IL2RA: variants seen among roughly 807,000 people sequenced by gnomAD.
IL2RA encodes the protein interleukin 2 receptor subunit alpha.
Under a neutral mutation model 37.8 loss-of-function variants are expected in IL2RA, and 24 were observed. That is an observed-to-expected ratio of 0.63 (90% CI 0.46 to 0.89). IL2RA has a LOEUF of 0.89. Ranked by LOEUF, IL2RA falls within the 40% of genes least tolerant of loss-of-function variation. The pLI, the probability that IL2RA is intolerant of heterozygous loss-of-function variation, is 0.00. For missense variants in IL2RA, 319 were observed against 348.6 expected (o/e 0.92, Z 0.68); for synonymous variants, 125 against 114.6 (o/e 1.09, Z -0.58).
At chr10:6,030,098 A>G (rs1338876108) in intron 1 of IL2RA, among the ~76,000 whole-genome samples, 1 of 152,224 alleles carries the variant, frequency 6.6e-6, no homozygotes, top group African/African-American at 2.4e-5. Context: ...AAATTATCCA[A>G]ACTGATGAAC....
Position 6,035,588 on chromosome 10 carries a change from G to A in IL2RA, c.65-9563C>T, listed in dbSNP as rs12722664. 0.012 allele frequency among the ~76,000 whole-genome samples: 1,822 copies of A among 152,246 alleles called. 28 individuals are homozygous for A. The highest frequency in any genetic ancestry group is 0.041 in the African/African-American group (1,704 of 41,536). Reference sequence around the variant, plus strand: ...TTAAGGTGAGAAAAGAAAAGAAATCGGGGCTCCCAGGAGGAGAATCCTGAA... The same window carrying A: ...TTAAGGTGAGAAAAGAAAAGAAATCAGGGCTCCCAGGAGGAGAATCCTGAA... On this transcript the variant is annotated intron_variant, in intron 1 of 7. Transcript: ENST00000379959. This position sits in a 1 kb window ranked among gnomAD's most constrained non-coding sequence, Gnocchi z 5.4.
chr10:6,043,387 G>A (rs544655797), intron 1 of IL2RA, among the ~76,000 whole-genome samples: 12 of 152,284 alleles, frequency 7.9e-5, no homozygotes, highest in South Asian at 2.1e-4. Context: ...GGGTTGGACC[G>A]AGAGGGAGCT....
intron 7 of IL2RA, among the ~76,000 whole-genome samples, chr10:6,016,391 T>A (rs1230545174): frequency 2.0e-5 from 3 of 152,164 alleles, no homozygotes; most frequent in Non-Finnish European, 4.4e-5. Flanking sequence ...ATCTCTGTTC[T>A]TTATAAGTTA....
rs559441628 is a variant in IL2RA, at chr10:6,048,629, A to C, written c.64+13459T>G. ...AGAAGCTGAGGCCCACCGAGGTTAA[A>C]ACCCTACCCTCATGGACTTCCATGG... On this transcript the variant is annotated intron_variant, in intron 1 of 7. Transcript: ENST00000379959. The surrounding 1 kb of genome is among the most constrained non-coding windows in gnomAD (Gnocchi z 5.3). Among the ~76,000 whole-genome samples the C allele has an allele frequency of 2.0e-5, 3 of 152,308 alleles. No individual in the cohort carries two copies. Among genetic ancestry groups the C allele is most frequent in the East Asian group, 3.9e-4 (2 of 5,184 alleles).
Position 6,016,725 on chromosome 10 carries a change from A to G in IL2RA, c.794+1328T>C, listed in dbSNP as rs1396368474. Among the ~76,000 whole-genome samples the G allele has an allele frequency of 3.9e-5, 6 of 152,014 alleles. No individual in the cohort carries two copies. The East Asian group carries it at 1.2e-3, about 29-fold the overall frequency. ...GTAGCTGGGATTACAGGCACCCACC[A>G]CCACGCCTGGCTTATTTTTGTATTT... On this transcript the variant is annotated intron_variant, in intron 7 of 7. Transcript: ENST00000379959.
At chr10:6,032,413 C>A (rs1406610199) in intron 1 of IL2RA, among the ~76,000 whole-genome samples, 3 of 152,078 alleles carry the variant, frequency 2.0e-5, no homozygotes, top group African/African-American at 7.2e-5. Flanking sequence ...AAAAAGTAGG[C>A]AGGGTGTGGT....
In IL2RA at chr10:6,035,020, A is replaced by G. The variant is rs970278870; in HGVS notation, c.65-8995T>C. 1.3e-5 allele frequency among the ~76,000 whole-genome samples: 2 copies of G among 152,172 alleles called. No individual in the cohort carries two copies. The highest frequency in any genetic ancestry group is 2.4e-5 in the African/African-American group (1 of 41,450). ...ACTGTGGGAAAATTTGAGATGATCA[A>G]TTCGGGAGTTGGAGGTGGGGGTGTA... On this transcript the variant is annotated intron_variant, in intron 1 of 7. Transcript: ENST00000379959. This position sits in a 1 kb window ranked among gnomAD's most constrained non-coding sequence, Gnocchi z 5.4.
chr10:6,042,330 T>C (rs995241983), intron 1 of IL2RA, among the ~76,000 whole-genome samples: 1 of 151,752 alleles, frequency 6.6e-6, no homozygotes, highest in Non-Finnish European at 1.5e-5. Context: ...ATATCCATTA[T>C]TGATTAAAAG....
Position 6,041,116 on chromosome 10 carries a change from C to CTTT in IL2RA, c.65-15094_65-15092dup, listed in dbSNP as rs34852465. 1.1e-3 allele frequency among the ~76,000 whole-genome samples: 133 copies of CTTT among 126,466 alleles called. 2 individuals are homozygous for CTTT. The highest frequency in any genetic ancestry group is 3.5e-3 in the African/African-American group (120 of 34,262). 83.0% of individuals were successfully genotyped at this position (126,466 alleles called of 152,430 possible). ...TGAGAACTTAAAGGGTGAGTTAATTCTTTTTTTTTTTTTTTTTTTGAGACG... is the reference window on the plus strand; with the variant it reads ...TGAGAACTTAAAGGGTGAGTTAATTCTTTTTTTTTTTTTTTTTTTTTTGAGACG... On this transcript the variant is annotated intron_variant, in intron 1 of 7. Coordinates refer to ENST00000379959, the MANE Select transcript of IL2RA (RefSeq NM_000417.3).
intron 1 of IL2RA, among the ~76,000 whole-genome samples, chr10:6,055,377 C>T (rs1028606979): frequency 6.6e-6 from 1 of 152,036 alleles, no homozygotes; most frequent in Admixed American, 6.5e-5. Context: ...TTCTGTTCCC[C>T]AGAGAGTCCG....
chr10:6,038,253 G>C (rs1453277241), intron 1 of IL2RA, among the ~76,000 whole-genome samples: 1 of 152,234 alleles, frequency 6.6e-6, no homozygotes, highest in Non-Finnish European at 1.5e-5. Flanking sequence ...ATCTGTTGAA[G>C]GTTATCTCTT....
Position 6,036,906 on chromosome 10 carries a change from T to C in IL2RA, c.65-10881A>G, listed in dbSNP as rs1839692860. Among the ~76,000 whole-genome samples the C allele has an allele frequency of 6.6e-6, 1 of 152,078 alleles. No individual in the cohort carries two copies. Among genetic ancestry groups the C allele is most frequent in the African/African-American group, 2.4e-5 (1 of 41,408 alleles). On this transcript the variant is annotated intron_variant, in intron 1 of 7. Transcript: ENST00000379959. This position sits in a 1 kb window ranked among gnomAD's most constrained non-coding sequence, Gnocchi z 6.1. The stretch of plus-strand genomic sequence containing the variant: ...CAGCGTGTGTGCAGAGCCCCCGGGA[T>C]CTTGCAGACTGGGATTTGTCAGGGC...
chr10:6,044,091 A>T lies in IL2RA; in HGVS notation c.64+17997T>A, dbSNP rs1015131451. ...AACTCCCAATTTTATTTATGAAGTC[A>T]ATCATCCAAATCACCTCTCAGTCCT... is the stretch of plus-strand genomic sequence containing the variant. On this transcript the variant is annotated intron_variant, in intron 1 of 7. Transcript: ENST00000379959. The surrounding 1 kb of genome is among the most constrained non-coding windows in gnomAD (Gnocchi z 4.5). Among the ~76,000 whole-genome samples, 1 of 152,230 alleles carries T rather than the reference A, an allele frequency of 6.6e-6. No individual in the cohort carries two copies.
At chr10:6,061,017 G>A (rs1413437300) in intron 1 of IL2RA, among the ~76,000 whole-genome samples, 1 of 152,106 alleles carries the variant, frequency 6.6e-6, no homozygotes, top group East Asian at 1.9e-4. Flanking sequence ...GTAAGCAAAG[G>A]GAAGACATTA....
At chr10:6,016,382 T>C (rs1041510830) in intron 7 of IL2RA, among the ~76,000 whole-genome samples, 18 of 152,198 alleles carry the variant, frequency 1.2e-4, no homozygotes, top group Non-Finnish European at 2.5e-4. Flanking sequence ...TCTTTATAAA[T>C]CTCTGTTCTT....
chr10:6,037,477 C>A (rs1181886899), intron 1 of IL2RA, among the ~76,000 whole-genome samples: 3 of 152,128 alleles, frequency 2.0e-5, no homozygotes, highest in African/African-American at 7.2e-5. Context: ...GTCCATATAT[C>A]AGAACTTTAA....
chr10:6,015,104 T>C lies in IL2RA; in HGVS notation c.795-2208A>G, dbSNP rs1269176306. Among the ~76,000 whole-genome samples, 2 of 151,948 alleles carry C rather than the reference T, an allele frequency of 1.3e-5. No homozygotes were observed. The highest frequency in any genetic ancestry group is 2.4e-5 in the African/African-American group (1 of 41,370). On this transcript the variant is annotated intron_variant, in intron 7 of 7. Transcript: ENST00000379959. This position sits in a 1 kb window ranked among gnomAD's most constrained non-coding sequence, Gnocchi z 4.9. ...TCTTTTCTTTTTTCTTTCTTTCTTT[T>C]TTTTTTTAAACAGAGTCTTGCTGTG...
At chr10:6,051,320 G>T (rs373303033) in intron 1 of IL2RA, among the ~76,000 whole-genome samples, 1 of 151,956 alleles carries the variant, frequency 6.6e-6, no homozygotes, top group Admixed American at 6.5e-5. Flanking sequence ...GGAAACTCTC[G>T]GGGCACCAGG....
At chr10:6,027,107 A>G (rs1191800992) in intron 1 of IL2RA, among the ~76,000 whole-genome samples, 2 of 152,144 alleles carry the variant, frequency 1.3e-5, no homozygotes, top group African/African-American at 2.4e-5. Context: ...AGATCACATG[A>G]GGTCAGCAGT....
Sources: gnomAD v4.1 joint callset for allele counts (sites outside exome capture counted in the v4.1 genomes callset) on GRCh38, gnomAD v4.1.1 for gene constraint, Gnocchi (gnomAD v3.1) non-coding constraint, MANE v1.5 for transcripts, NCBI Gene and HGNC (gene_info 2026-07-23, HGNC 2026-07-21) for gene names.